The following DNAH6 variants were observed in gnomAD, a reference collection of about 807,000 sequenced individuals.
DNAH6 encodes the protein axonemal beta dynein heavy chain 6.
DNAH6 carries 340 observed loss-of-function variants against 491.4 expected under a neutral mutation model. The observed-to-expected ratio is 0.69, with a 90% CI of 0.63 to 0.76. The LOEUF is 0.76. DNAH6 is among the 30% of genes least tolerant of loss of function. The probability of loss-of-function intolerance (pLI) is 0.00; values close to 1 mark genes in which losing one functional copy is unlikely to be tolerated. For missense variants in DNAH6, 4,443 were observed against 4,972.2 expected (o/e 0.89, Z 3.20); for synonymous variants, 1,603 against 1,686.1 (o/e 0.95, Z 1.21).
At chr2:84,740,123 T>G (rs745800299) in intron 62 of DNAH6, among the ~76,000 whole-genome samples, 22 of 152,114 alleles carry the variant, frequency 1.4e-4, no homozygotes, top group Non-Finnish European at 2.5e-4. Flanking sequence ...TTGGCTTCAT[T>G]TCTAGGTGCT....
At chr2:84,800,545 A>G (rs1678786839) in intron 70 of DNAH6, among the ~76,000 whole-genome samples, 1 of 152,224 alleles carries the variant, frequency 6.6e-6, no homozygotes, top group South Asian at 2.1e-4. Context: ...TGATACAGCT[A>G]TATTAAGAAA....
Position 84,659,188 on chromosome 2 carries a change from A to G in DNAH6, c.6084+19A>G, listed in dbSNP as rs1308699008. The stretch of plus-strand genomic sequence containing the variant: ...TGCCAGGGTAAGAACCAAATAAATT[A>G]TATTTTAACATAATAATTCTGAATT... On this transcript the variant is annotated intron_variant, in intron 37 of 76. Coordinates refer to ENST00000389394, the MANE Select transcript of DNAH6 (RefSeq NM_001370.2). 1 of 1,244,148 alleles carries G rather than the reference A, an allele frequency of 8.0e-7. No individual in the cohort carries two copies. The highest frequency in any genetic ancestry group is 1.8e-5 in the South Asian group (1 of 55,116). 77.1% of individuals were successfully genotyped at this position (1,244,148 alleles called of 1,614,324 possible).
intron 64 of DNAH6, among the ~76,000 whole-genome samples, chr2:84,765,534 C>T (rs17025543): frequency 0.14 from 21,035 of 151,790 alleles, 1,616 homozygotes; most frequent in African/African-American, 0.21. Context: ...TAGGAAAATT[C>T]GTGGTTTCAT....
At chr2:84,692,688 A>G (rs1041613112) in intron 45 of DNAH6, among the ~76,000 whole-genome samples, 2 of 152,220 alleles carry the variant, frequency 1.3e-5, no homozygotes, top group African/African-American at 4.8e-5. Flanking sequence ...ATTCTCATAC[A>G]TACTGGTCAC....
the DNAH6 span, among the ~76,000 whole-genome samples, chr2:84,491,838 G>A: frequency 2.0e-5 from 3 of 152,090 alleles, no homozygotes; most frequent in African/African-American, 7.2e-5. Flanking sequence ...AAGACAGAGG[G>A]TCTAAAAACA....
At chr2:84,554,800 C>G (rs1464912681) in intron 10 of DNAH6, among the ~76,000 whole-genome samples, 1 of 152,234 alleles carries the variant, frequency 6.6e-6, no homozygotes, top group Admixed American at 6.5e-5. Context: ...AGACTCATGT[C>G]CTTCACATGG....
rs201579648 is a variant in DNAH6, at chr2:84,785,600, C to G, written c.10954-10C>G. The G allele has an allele frequency of 6.6e-7, 1 of 1,521,692 alleles. No homozygotes were observed. Among genetic ancestry groups the G allele is most frequent in the Non-Finnish European group, 8.8e-7 (1 of 1,137,438 alleles). 94.3% of individuals were successfully genotyped at this position (1,521,692 alleles called of 1,614,324 possible). On this transcript the variant is annotated splice_polypyrimidine_tract_variant and intron_variant, in intron 66 of 76. Coordinates refer to ENST00000389394, the MANE Select transcript of DNAH6 (RefSeq NM_001370.2). ...ACTCTCTCTGCCACATATATTCTATCTAAATCCAGGTGACCAATGAGCCTC... is the reference window on the plus strand; with the variant it reads ...ACTCTCTCTGCCACATATATTCTATGTAAATCCAGGTGACCAATGAGCCTC...
At chr2:84,477,768 T>C in the DNAH6 span, among the ~76,000 whole-genome samples, 1 of 152,144 alleles carries the variant, frequency 6.6e-6, no homozygotes, top group African/African-American at 2.4e-5. Flanking sequence ...AGTGAAAGAA[T>C]AGAAGGTAAT....
chr2:84,768,290 G>A (rs1675281076), intron 64 of DNAH6, among the ~76,000 whole-genome samples: 1 of 151,820 alleles, frequency 6.6e-6, no homozygotes, highest in African/African-American at 2.4e-5. Context: ...GGATCCAAAA[G>A]ACCAAAAGTT....
At chr2:84,686,183 G>A (rs551807052) in intron 43 of DNAH6, among the ~76,000 whole-genome samples, 8 of 125,700 alleles carry the variant, frequency 6.4e-5, no homozygotes, top group Admixed American at 7.3e-5. Flanking sequence ...GCAAGACTCC[G>A]TCTCAAAAAA....
At chr2:84,613,343 G>A (rs1686518452) in intron 22 of DNAH6, among the ~76,000 whole-genome samples, 1 of 152,110 alleles carries the variant, frequency 6.6e-6, no homozygotes, top group Non-Finnish European at 1.5e-5. Flanking sequence ...AAGCCAATGC[G>A]AGCTGAAGTG....
In DNAH6 at chr2:84,616,914, T is replaced by C. The variant is rs1024032803; in HGVS notation, c.3504T>C (p.Asn1168=). The C allele has an allele frequency of 1.3e-6, 2 of 1,497,272 alleles. No individual in the cohort carries two copies. The highest frequency in any genetic ancestry group is 8.9e-7 in the Non-Finnish European group (1 of 1,126,926). 92.7% of individuals were successfully genotyped at this position (1,497,272 alleles called of 1,614,324 possible). A position where few individuals can be genotyped will look rare whatever the true frequency, so the allele number is the denominator to read the frequency against. The change falls in exon 23 of 77, where the codon AAT becomes AAC. Residue 1168 remains asparagine (N), a synonymous_variant. Transcript: ENST00000389394. ...TTCTGGAAACTTTTCAAAACAATAA[T>C]GCATTACTTGACCAAATTCAGAAGT... The part of the protein sequence containing the change: ...PGLLETFQNN[N]ALLDQIQKCL...
At chr2:84,742,631 G>C (rs1672632271) in intron 62 of DNAH6, among the ~76,000 whole-genome samples, 1 of 140,694 alleles carries the variant, frequency 7.1e-6, no homozygotes, top group Non-Finnish European at 1.5e-5. Context: ...TCTTTATTTT[G>C]GGCATATTTT....
intron 4 of DNAH6, among the ~76,000 whole-genome samples, chr2:84,538,694 GA>G (rs1320099841): frequency 1.3e-5 from 2 of 152,062 alleles, no homozygotes; most frequent in Non-Finnish European, 2.9e-5. Flanking sequence ...ATTCCAATTA[GA>G]ATCTTTGAAA....
At chr2:84,518,643 G>A (rs1675829189) in intron 2 of DNAH6, among the ~76,000 whole-genome samples, 1 of 152,186 alleles carries the variant, frequency 6.6e-6, no homozygotes, top group Non-Finnish European at 1.5e-5. Flanking sequence ...AACCGTTGAT[G>A]ATTAAAGTTG....
At chr2:84,499,364 T>C in the DNAH6 span, among the ~76,000 whole-genome samples, 2 of 152,232 alleles carry the variant, frequency 1.3e-5, no homozygotes, top group Non-Finnish European at 2.9e-5. Context: ...TTGTTGCAAA[T>C]GACTGGATCT....
intron 41 of DNAH6, among the ~76,000 whole-genome samples, chr2:84,679,652 GA>G (rs770391066): frequency 1.3e-5 from 2 of 152,214 alleles, no homozygotes; most frequent in Non-Finnish European, 2.9e-5. Flanking sequence ...ATGTAAGCCA[GA>G]TCCTTAAGTA....
At chr2:84,466,044 G>T in the DNAH6 span, among the ~76,000 whole-genome samples, 1 of 152,182 alleles carries the variant, frequency 6.6e-6, no homozygotes. Flanking sequence ...CCCTGCCATA[G>T]GTTTTTATCC....
chr2:84,565,942 T>C (rs1331257482), intron 11 of DNAH6, among the ~76,000 whole-genome samples: 3 of 152,026 alleles, frequency 2.0e-5, no homozygotes, highest in African/African-American at 7.2e-5. Context: ...TCCATTTTCA[T>C]GGTAGGTCCT....
Sources: gnomAD v4.1 joint callset for allele counts (sites outside exome capture counted in the v4.1 genomes callset) on GRCh38, gnomAD v4.1.1 for gene constraint, MANE v1.5 for transcripts, NCBI Gene and HGNC (gene_info 2026-07-23, HGNC 2026-07-21) for gene names.